The following CTTNBP2NL variants were observed in gnomAD, a reference collection of about 807,000 sequenced individuals.
CTTNBP2NL encodes CTTNBP2 N-terminal like, also known as CTTNBP2 N-terminal-like protein.
CTTNBP2NL carries 16 observed loss-of-function variants against 32.5 expected under a neutral mutation model. That is an observed-to-expected ratio of 0.49 (90% CI 0.33 to 0.75). The LOEUF (loss-of-function observed/expected upper bound fraction) is 0.75, where lower values mean the gene tolerates loss of function less well. CTTNBP2NL is among the 30% of genes least tolerant of loss of function. The probability of loss-of-function intolerance (pLI) is 0.02; values close to 1 mark genes in which losing one functional copy is unlikely to be tolerated. For synonymous variants in CTTNBP2NL, 298 were observed against 289.4 expected (o/e 1.03, Z -0.30); for missense variants, 645 against 756.0 (o/e 0.85, Z 1.72).
intron 1 of CTTNBP2NL, among the ~76,000 whole-genome samples, chr1:112,399,163 TA>T (rs1347489995): frequency 2.6e-5 from 4 of 151,468 alleles, no homozygotes; most frequent in Admixed American, 2.6e-4. Context: ...ATCAAAAATG[TA>T]AAAAATTAGC....
At chr1:112,419,570 C>T (rs1411835274) in intron 3 of CTTNBP2NL, among the ~76,000 whole-genome samples, 2 of 151,322 alleles carry the variant, frequency 1.3e-5, no homozygotes, top group Non-Finnish European at 3.0e-5. Flanking sequence ...AAAAAAATAA[C>T]AATGCAAGTT....
upstream of CTTNBP2NL, among the ~76,000 whole-genome samples, chr1:112,394,156 T>C (rs1557880567): frequency 1.3e-5 from 2 of 150,232 alleles, no homozygotes; most frequent in Non-Finnish European, 3.0e-5. Flanking sequence ...TAGTGAGAGA[T>C]TGCGCCATTG....
chr1:112,452,582 G>A (rs189050839), intron 4 of CTTNBP2NL, among the ~76,000 whole-genome samples: 118 of 148,918 alleles, frequency 7.9e-4, no homozygotes, highest in African/African-American at 2.7e-3. Flanking sequence ...AACCTCAGGT[G>A]ATCCACCTGC....
chr1:112,457,060 C>G lies in CTTNBP2NL; in HGVS notation c.1568C>G (p.Ser523Cys), dbSNP rs199944744. The G allele has an allele frequency of 1.9e-6, 3 of 1,614,202 alleles. No individual in the cohort carries two copies. The highest frequency in any genetic ancestry group is 3.3e-5 in the Admixed American group (2 of 60,030). The change falls in exon 6 of 6, where the codon TCT becomes TGT. Residue 523 changes from serine to cysteine, a missense_variant. By Grantham distance (112) the Ser-to-Cys change is moderately radical. Coordinates refer to ENST00000271277, the MANE Select transcript of CTTNBP2NL (RefSeq NM_018704.3). ...CAACAAGGGCCAATCAAGCCAGTCT[C>G]TCCCAACAGCTCTCCCTTTGGCACA... is the stretch of plus-strand genomic sequence containing the variant. ...TSQQGPIKPV[S>C]PNSSPFGTDY...
chr1:112,407,678 G>A (rs148436560), intron 1 of CTTNBP2NL, among the ~76,000 whole-genome samples: 36 of 152,214 alleles, frequency 2.4e-4, no homozygotes, highest in African/African-American at 8.2e-4. Flanking sequence ...ATGTATTATA[G>A]TAATCCAAAT....
chr1:112,396,235 G>A lies in CTTNBP2NL; in HGVS notation c.-171G>A, dbSNP rs1648322029. ...CCTCAGCCGCTGTGGATGGGGAGTG[G>A]AGGCGGAGGGGAGCGGAGCCCGGAG... On this transcript the variant is annotated 5_prime_UTR_variant, in exon 1 of 6. Coordinates refer to ENST00000271277, the MANE Select transcript of CTTNBP2NL (RefSeq NM_018704.3). 1 of 152,400 alleles carries A rather than the reference G, an allele frequency of 6.6e-6. No individual in the cohort carries two copies. Among genetic ancestry groups the A allele is most frequent in the Admixed American group, 6.5e-5 (1 of 15,294 alleles). The allele number at this position is 152,400 out of a possible 1,614,324, so 9.4% of individuals were successfully genotyped here.
chr1:112,404,151 G>C (rs1474040068), intron 1 of CTTNBP2NL, among the ~76,000 whole-genome samples: 1 of 152,198 alleles, frequency 6.6e-6, no homozygotes, highest in Non-Finnish European at 1.5e-5. Context: ...AGCTCTGTCA[G>C]ATTCCAAAAT....
At chr1:112,406,637 A>C (rs1377914524) in intron 1 of CTTNBP2NL, among the ~76,000 whole-genome samples, 1 of 152,214 alleles carries the variant, frequency 6.6e-6, no homozygotes. Flanking sequence ...TGTCTGGCAT[A>C]CATTAATGTT....
intron 3 of CTTNBP2NL, among the ~76,000 whole-genome samples, chr1:112,439,047 C>T (rs548274553): frequency 2.6e-5 from 4 of 152,210 alleles, no homozygotes; most frequent in African/African-American, 4.8e-5. Context: ...CAGTGACAGC[C>T]GAAATTGCTG....
At chr1:112,454,330 C>T (rs1479143846) in intron 4 of CTTNBP2NL, 119 bp from the exon 5 acceptor site, 1 of 689,164 alleles carries the variant, frequency 1.5e-6, no homozygotes, top group Non-Finnish European at 2.5e-6. Flanking sequence ...TTCATTTATT[C>T]GTTTGTTTGT....
chr1:112,408,622 G>A (rs1648755906), intron 1 of CTTNBP2NL, among the ~76,000 whole-genome samples: 1 of 151,894 alleles, frequency 6.6e-6, no homozygotes, highest in Non-Finnish European at 1.5e-5. Flanking sequence ...TTTTAAAATA[G>A]CAGTGCATTT....
At chr1:112,421,632 G>A (rs1264644383) in intron 3 of CTTNBP2NL, among the ~76,000 whole-genome samples, 2 of 149,004 alleles carry the variant, frequency 1.3e-5, no homozygotes, top group African/African-American at 5.0e-5. Flanking sequence ...AAAAAAAAAA[G>A]GAGAAGAAGA....
rs1209582798 is a variant in CTTNBP2NL, at chr1:112,396,279, GC to G, written c.-134+8del. 1 of 152,218 alleles carries G rather than the reference GC, an allele frequency of 6.6e-6. No individual in the cohort carries two copies. Among genetic ancestry groups the G allele is most frequent in the Non-Finnish European group, 1.5e-5 (1 of 68,142 alleles). 9.4% of individuals were successfully genotyped at this position (152,218 alleles called of 1,614,324 possible). Reference sequence around the variant, plus strand: ...CCCGGAGCGTCGTGGAAAGGTAGGAGCAACTATCCCTGGGGCTTGGTGATGG... The same window carrying G: ...CCCGGAGCGTCGTGGAAAGGTAGGAGAACTATCCCTGGGGCTTGGTGATGG... On this transcript the variant is annotated splice_region_variant and intron_variant, in intron 1 of 5. Coordinates refer to ENST00000271277, the MANE Select transcript of CTTNBP2NL (RefSeq NM_018704.3).
chr1:112,413,732 A>G (rs1648955811), intron 2 of CTTNBP2NL, among the ~76,000 whole-genome samples: 1 of 152,210 alleles, frequency 6.6e-6, no homozygotes, highest in Non-Finnish European at 1.5e-5. Context: ...AACGTCATTT[A>G]CTAGTTGCTG....
intron 4 of CTTNBP2NL, among the ~76,000 whole-genome samples, chr1:112,452,645 C>CTTTTTTTTTTTT (rs34842059): frequency 2.3e-5 from 3 of 133,108 alleles, no homozygotes; most frequent in Admixed American, 7.3e-5. Context: ...CTCCTGGCCT[C>CTTTTTTTTTTTT]TTTTTTTTTT....
chr1:112,456,326 G>A lies in CTTNBP2NL; in HGVS notation c.834G>A (p.Glu278=). ...TAAAGAAGATAGTGAAGGACCTAGA[G>A]GCTTCCCACCAGCACAGTAGCCCTA... ...ESLKKIVKDL[E]ASHQHSSPNE... Residue 278 remains glutamate (E), a synonymous_variant, in exon 6 of 6, where the codon GAG becomes GAA. Coordinates refer to ENST00000271277, the MANE Select transcript of CTTNBP2NL (RefSeq NM_018704.3). 3 of 1,613,964 alleles carry A rather than the reference G, an allele frequency of 1.9e-6. No individual in the cohort carries two copies. Among genetic ancestry groups the A allele is most frequent in the Non-Finnish European group, 2.5e-6 (3 of 1,180,022 alleles).
At chr1:112,454,254 G>C (rs189536162) in intron 4 of CTTNBP2NL, among the ~76,000 whole-genome samples, 195 bp from the exon 5 acceptor site, 27 of 152,312 alleles carry the variant, frequency 1.8e-4, no homozygotes, top group African/African-American at 6.0e-4. Flanking sequence ...GTATCTTACT[G>C]TTTAACACAG....
intron 1 of CTTNBP2NL, among the ~76,000 whole-genome samples, chr1:112,403,060 C>T (rs910773066): frequency 2.6e-5 from 4 of 152,106 alleles, no homozygotes; most frequent in Admixed American, 1.3e-4. Flanking sequence ...AATGAAAATC[C>T]GTCATTTACT....
upstream of CTTNBP2NL, among the ~76,000 whole-genome samples, chr1:112,393,768 G>A (rs1648241152): frequency 6.6e-6 from 1 of 152,154 alleles, no homozygotes; most frequent in Non-Finnish European, 1.5e-5. Flanking sequence ...CACTCATTTA[G>A]GAATACGCAG....
Sources: gnomAD v4.1 joint callset for allele counts (sites outside exome capture counted in the v4.1 genomes callset) on GRCh38, gnomAD v4.1.1 for gene constraint, MANE v1.5 for transcripts, NCBI Gene and HGNC (gene_info 2026-07-23, HGNC 2026-07-21) for gene names.